Variants in ZNF521 observed in about 807,000 individuals in gnomAD.
The protein encoded by ZNF521 is LYST-interacting protein 3.
ZNF521 carries 14 observed loss-of-function variants against 105.5 expected under a neutral mutation model. The ratio of observed to expected loss-of-function variants is 0.13; its 90% CI spans 0.09 to 0.21. The LOEUF (loss-of-function observed/expected upper bound fraction) is 0.21. ZNF521 is among the 10% of genes least tolerant of loss of function. The probability of loss-of-function intolerance (pLI) is 1.00; values close to 1 mark genes in which losing one functional copy is unlikely to be tolerated. For missense variants in ZNF521, 1,233 were observed against 1,629.7 expected (o/e 0.76, Z 4.19); for synonymous variants, 635 against 606.0 (o/e 1.05, Z -0.70).
intron 3 of ZNF521, among the ~76,000 whole-genome samples, chr18:25,266,648 C>A (rs1366479601): frequency 6.6e-6 from 1 of 151,974 alleles, no homozygotes; most frequent in Non-Finnish European, 1.5e-5. Flanking sequence ...TGCAAGGGGT[C>A]GGGGGATTTC....
chr18:25,065,426 G>A (rs2033029819), intron 7 of ZNF521, among the ~76,000 whole-genome samples: 1 of 152,086 alleles, frequency 6.6e-6, no homozygotes, highest in Non-Finnish European at 1.5e-5. Flanking sequence ...TGGGCTATGT[G>A]TATAAGGTAT....
In ZNF521 at chr18:25,225,416, T is replaced by C. The variant is rs1906052153; in HGVS notation, c.2502A>G (p.Val834=). ...LEKHLREKHC[V]FETKTPNCGT... ...CACAGTTGGGTGTCTTGGTTTCGAA[T>C]ACACAGTGTTTTTCTCGCAAGTGTT... The change falls in exon 4 of 8, where the codon GTA becomes GTG. Residue 834 remains valine (V), a synonymous_variant. Coordinates refer to ENST00000361524, the MANE Select transcript of ZNF521 (RefSeq NM_015461.3). This position sits in a 1 kb window ranked among gnomAD's most constrained non-coding sequence, Gnocchi z 5.6. 6.2e-6 allele frequency: 10 copies of C among 1,614,088 alleles called. No homozygotes were observed. In the African/African-American group the frequency reaches 6.7e-5, roughly 11 times the overall value.
At chr18:25,098,451 A>G (rs1210163859) in intron 5 of ZNF521, among the ~76,000 whole-genome samples, 1 of 151,440 alleles carries the variant, frequency 6.6e-6, no homozygotes, top group East Asian at 1.9e-4. Context: ...TTTTTTTTTT[A>G]TTAAAAAAAA....
intron 3 of ZNF521, among the ~76,000 whole-genome samples, chr18:25,299,038 C>T (rs1167019690): frequency 2.0e-5 from 3 of 152,168 alleles, no homozygotes; most frequent in African/African-American, 4.8e-5. Flanking sequence ...CCACTTCCCA[C>T]GTGGAAATCC....
chr18:25,352,136 T>C lies in ZNF521; in HGVS notation c.-133A>G, dbSNP rs772069741. ...CCGCAGGGACTCGCTCTGTACGTAA[T>C]CACTGAGGAAATCATTGTCAGCCTG... On this transcript the variant is annotated 5_prime_UTR_variant, in exon 1 of 8. Transcript: ENST00000361524. 2 of 414,608 alleles carry C rather than the reference T, an allele frequency of 4.8e-6. No individual in the cohort carries two copies. Among genetic ancestry groups the C allele is most frequent in the Non-Finnish European group, 9.9e-6 (2 of 201,380 alleles). 25.7% of individuals were successfully genotyped at this position (414,608 alleles called of 1,614,324 possible).
In ZNF521 at chr18:25,226,045, C is replaced by A. The variant is rs544324923; in HGVS notation, c.1873G>T (p.Gly625Cys). The A allele has an allele frequency of 1.9e-6, 3 of 1,614,144 alleles. No individual in the cohort carries two copies. The African/African-American group carries it at 4.0e-5, about 22-fold the overall frequency. ...TSLKMMQAVGGAPARPTGEYI... is the reference protein window; with the variant it reads ...TSLKMMQAVGCAPARPTGEYI... Reference sequence around the variant, plus strand: ...TCTCCAGTGGGACGTGCAGGTGCACCTCCTACTGCCTGCATCATCTTAAGA... The same window carrying A: ...TCTCCAGTGGGACGTGCAGGTGCACATCCTACTGCCTGCATCATCTTAAGA... Residue 625 changes from glycine (G) to cysteine (C), a missense_variant, in exon 4 of 8, where the codon GGT becomes TGT. Gly to Cys is a radical substitution (Grantham distance 159). Around this residue, in one of 6 missense-constraint regions of ZNF521, gnomAD observed 614 missense variants for 751.5 expected, o/e 0.82. Coordinates refer to ENST00000361524, the MANE Select transcript of ZNF521 (RefSeq NM_015461.3). The surrounding 1 kb of genome is among the most constrained non-coding windows in gnomAD (Gnocchi z 4.1).
chr18:25,241,377 G>A (rs562151831), intron 3 of ZNF521, among the ~76,000 whole-genome samples: 10 of 152,264 alleles, frequency 6.6e-5, no homozygotes, highest in East Asian at 1.9e-4. Context: ...AAACCACAAC[G>A]CATTGCCAGC....
chr18:25,313,357 C>G (rs1329652759), intron 3 of ZNF521, among the ~76,000 whole-genome samples: 1 of 151,456 alleles, frequency 6.6e-6, no homozygotes, highest in Non-Finnish European at 1.5e-5. Context: ...CTGCAGGATA[C>G]TGATAGTCAA....
At chr18:25,270,519 A>T (rs1909579919) in intron 3 of ZNF521, among the ~76,000 whole-genome samples, 1 of 152,180 alleles carries the variant, frequency 6.6e-6, no homozygotes, top group Non-Finnish European at 1.5e-5. Context: ...TTGATGCAAA[A>T]ATCCTCAATA....
At chr18:25,269,220 A>G (rs181042160) in intron 3 of ZNF521, among the ~76,000 whole-genome samples, 1 of 152,326 alleles carries the variant, frequency 6.6e-6, no homozygotes, top group Non-Finnish European at 1.5e-5. Context: ...AAAGGAATCA[A>G]TGCAACAAGA....
intron 4 of ZNF521, among the ~76,000 whole-genome samples, chr18:25,218,141 T>C (rs1905453292): frequency 6.6e-6 from 1 of 152,106 alleles, no homozygotes; most frequent in Non-Finnish European, 1.5e-5. Flanking sequence ...TATCATCCTA[T>C]GGGGATGGAG....
chr18:25,114,000 G>C (rs1180782400), intron 5 of ZNF521, among the ~76,000 whole-genome samples: 1 of 147,248 alleles, frequency 6.8e-6, no homozygotes, highest in African/African-American at 2.5e-5. Flanking sequence ...TTTTTTTTTT[G>C]TTTTCTGCCT....
rs575205844 is a variant in ZNF521 at position 25,225,553 on chromosome 18, C to T, written c.2365G>A (p.Gly789Ser). The change falls in exon 4 of 8, where the codon GGT (glycine) becomes AGT (serine). Residue 789 changes from glycine (G) to serine (S), a missense_variant. By Grantham distance (56) the Gly-to-Ser change is moderately conservative. Around this residue, in one of 6 missense-constraint regions of ZNF521, gnomAD observed 614 missense variants for 751.5 expected, o/e 0.82. Transcript: ENST00000361524. The surrounding 1 kb of genome is among the most constrained non-coding windows in gnomAD (Gnocchi z 5.6). ...TCCACCTCGGTGCCAAAGGACTCAC[C>T]GCAGAAAATGCACTTATGCACTTTC... ...QGKVHKCIFC[G>S]ESFGTEVELQ... 22 of 1,614,178 alleles carry T rather than the reference C, an allele frequency of 1.4e-5. No homozygotes were observed. The highest frequency in any genetic ancestry group is 4.0e-5 in the African/African-American group (3 of 75,040).
In ZNF521 at chr18:25,074,391, A is replaced by C. The variant is rs8093679; in HGVS notation, c.3907-11650T>G. On this transcript the variant is annotated intron_variant, in intron 7 of 7. Transcript: ENST00000361524. ...AAAACCCAAGTTTGGAGAAGAGAAAACATTTCACACTCAAGTTTGGTGCTT... is the reference window on the plus strand; with the variant it reads ...AAAACCCAAGTTTGGAGAAGAGAAACCATTTCACACTCAAGTTTGGTGCTT... Among the ~76,000 whole-genome samples the C allele has an allele frequency of 4.8e-3, 730 of 152,240 alleles. 6 individuals carry two copies. Among genetic ancestry groups the C allele is most frequent in the African/African-American group, 0.016 (673 of 41,546 alleles).
At position 25,155,384 on chromosome 18, in the gene ZNF521, C is replaced by T. The variant is rs73402923; in HGVS notation, c.3658+39776G>A. Among the ~76,000 whole-genome samples the T allele has an allele frequency of 3.5e-3, 528 of 152,178 alleles. 3 individuals carry two copies. Among genetic ancestry groups the T allele is most frequent in the African/African-American group, 0.012 (504 of 41,512 alleles). On this transcript the variant is annotated intron_variant, in intron 5 of 7. Coordinates refer to ENST00000361524, the MANE Select transcript of ZNF521 (RefSeq NM_015461.3). ...TTCATTTTGTTGCTTTTTTCCACAG[C>T]AGATTTTTTTCTGCTCTGCAGAAGT...
At chr18:25,303,295 T>TGC (rs1568066469) in intron 3 of ZNF521, among the ~76,000 whole-genome samples, 2 of 113,548 alleles carry the variant, frequency 1.8e-5, no homozygotes, top group Non-Finnish European at 3.5e-5. Flanking sequence ...TGTGTGTGTG[T>TGC]GTGTGTGTGT....
intron 3 of ZNF521, among the ~76,000 whole-genome samples, chr18:25,299,247 A>C (rs909101908): frequency 6.6e-6 from 1 of 152,216 alleles, no homozygotes; most frequent in Non-Finnish European, 1.5e-5. Flanking sequence ...ACTAACATGT[A>C]ACTTTACAAA....
intron 3 of ZNF521, among the ~76,000 whole-genome samples, chr18:25,283,635 A>C (rs2144997719): frequency 6.6e-6 from 1 of 152,368 alleles, no homozygotes; most frequent in East Asian, 1.9e-4. Context: ...ATTATTCAAT[A>C]GCTGAACATA....
intron 3 of ZNF521, among the ~76,000 whole-genome samples, chr18:25,267,904 A>C (rs892879168): frequency 6.6e-6 from 1 of 152,218 alleles, no homozygotes; most frequent in East Asian, 1.9e-4. Context: ...CTCACCAGCA[A>C]GGGAACAAAA....
Sources: allele counts gnomAD v4.1 joint callset (sites outside exome capture counted in the v4.1 genomes callset), GRCh38; gene constraint gnomAD v4.1.1; regional missense constraint gnomAD v4.1.1; non-coding constraint Gnocchi (gnomAD v3.1); transcripts MANE v1.5; gene names NCBI Gene and HGNC (gene_info 2026-07-23, HGNC 2026-07-21).